Variants in SAMD12 observed in about 807,000 individuals in gnomAD.
SAMD12 encodes sterile alpha motif domain-containing protein 12.
A neutral mutation model predicts 15.0 loss-of-function variants in SAMD12; 9 were observed. The observed-to-expected ratio is 0.60, with a 90% CI of 0.36 to 1.05. The LOEUF is 1.05. SAMD12 is among the 50% of genes least tolerant of loss of function. The pLI is 0.01. For synonymous variants in SAMD12, 86 were observed against 90.1 expected, an observed-to-expected ratio of 0.96 and a Z score of 0.25; for missense variants, 230 against 234.2, an observed-to-expected ratio of 0.98 and a Z score of 0.12.
At chr8:118,352,191 CTAATAAT>C (rs1817993967) in intron 4 of SAMD12, among the ~76,000 whole-genome samples, 1 of 152,170 alleles carries the variant, frequency 6.6e-6, no homozygotes, top group Non-Finnish European at 1.5e-5. Flanking sequence ...CATCCAACAA[CTAATAAT>C]TGGGTAGCAG....
At chr8:118,506,564 T>G (rs1260464605) in intron 2 of SAMD12, among the ~76,000 whole-genome samples, 2 of 152,000 alleles carry the variant, frequency 1.3e-5, no homozygotes, top group East Asian at 3.9e-4. Context: ...ACACAACCTT[T>G]TAGTCTGAGT....
chr8:118,510,241 C>T (rs1368959338), intron 2 of SAMD12, among the ~76,000 whole-genome samples: 5 of 151,992 alleles, frequency 3.3e-5, no homozygotes, highest in Admixed American at 2.6e-4. Flanking sequence ...CACACAAACA[C>T]GCACACATGC....
intron 2 of SAMD12, among the ~76,000 whole-genome samples, chr8:118,465,903 A>G (rs1019399995): frequency 4.6e-5 from 7 of 152,148 alleles, no homozygotes; most frequent in African/African-American, 1.7e-4. Flanking sequence ...CACAAAATCC[A>G]TCTGGGATTA....
intron 3 of SAMD12, among the ~76,000 whole-genome samples, chr8:118,428,760 T>C (rs964798217): frequency 1.8e-4 from 28 of 152,204 alleles, no homozygotes; most frequent in African/African-American, 5.8e-4. Context: ...TGTGTGAGTA[T>C]ATTTATGGAA....
intron 4 of SAMD12, among the ~76,000 whole-genome samples, chr8:118,318,312 A>G (rs2630687): frequency 0.053 from 429 of 8,158 alleles, 4 homozygotes; most frequent in East Asian, 0.29. Context: ...ATATATGTGT[A>G]TATATATATA....
chr8:118,447,357 C>T (rs1239791824), intron 2 of SAMD12, among the ~76,000 whole-genome samples: 2 of 151,740 alleles, frequency 1.3e-5, no homozygotes, highest in Non-Finnish European at 1.5e-5. Context: ...GGCTGGAGTG[C>T]AATGGCGCGA....
chr8:118,602,244 A>G (rs1461041027), intron 1 of SAMD12, among the ~76,000 whole-genome samples: 1 of 152,250 alleles, frequency 6.6e-6, no homozygotes, highest in Non-Finnish European at 1.5e-5. Context: ...CTGAGTGTGT[A>G]CACGTGCACT....
At chr8:118,468,112 G>T (rs1316914625) in intron 2 of SAMD12, among the ~76,000 whole-genome samples, 1 of 152,134 alleles carries the variant, frequency 6.6e-6, no homozygotes, top group Non-Finnish European at 1.5e-5. Flanking sequence ...GGAAATCAGT[G>T]AACTGTAACA....
intron 1 of SAMD12, among the ~76,000 whole-genome samples, chr8:118,598,202 G>A (rs1031837362): frequency 1.3e-5 from 2 of 152,168 alleles, no homozygotes; most frequent in African/African-American, 4.8e-5. Flanking sequence ...CATTTGTTAT[G>A]AACAGAATTG....
intron 2 of SAMD12, among the ~76,000 whole-genome samples, chr8:118,527,563 A>G (rs1364136639): frequency 1.3e-5 from 2 of 152,182 alleles, no homozygotes; most frequent in Non-Finnish European, 2.9e-5. Context: ...TTCTTTCTTT[A>G]CTACATTACA....
At chr8:118,174,400 A>C in the SAMD12 span, among the ~76,000 whole-genome samples, 1,673 of 152,218 alleles carry the variant, frequency 0.011, 24 homozygotes, top group African/African-American at 0.038. Context: ...TGTTCAAGGC[A>C]CCTTTTTCTG....
At chr8:118,597,951 C>A (rs1480556003) in intron 1 of SAMD12, among the ~76,000 whole-genome samples, 2 of 152,154 alleles carry the variant, frequency 1.3e-5, no homozygotes, top group African/African-American at 2.4e-5. Flanking sequence ...GGCACGTGGG[C>A]AGCATGCTGT....
intron 4 of SAMD12, among the ~76,000 whole-genome samples, chr8:118,355,523 A>G (rs917969720): frequency 6.6e-6 from 1 of 152,220 alleles, no homozygotes; most frequent in African/African-American, 2.4e-5. Context: ...TGGAAAAAAA[A>G]TTATTAAAAA....
chr8:118,387,273 A>G (rs900834756), intron 3 of SAMD12, among the ~76,000 whole-genome samples: 3 of 152,120 alleles, frequency 2.0e-5, no homozygotes, highest in African/African-American at 7.2e-5. Flanking sequence ...GGAAAGCACA[A>G]TCTGAGTCTT....
intron 4 of SAMD12, among the ~76,000 whole-genome samples, chr8:118,259,683 T>C (rs1007840189): frequency 6.6e-6 from 1 of 152,038 alleles, no homozygotes; most frequent in Non-Finnish European, 1.5e-5. Flanking sequence ...ATTTTCATGA[T>C]TACCTCAGGA....
chr8:118,266,393 G>A (rs745650817), intron 4 of SAMD12, among the ~76,000 whole-genome samples: 1 of 152,104 alleles, frequency 6.6e-6, no homozygotes, highest in Non-Finnish European at 1.5e-5. Flanking sequence ...TGTTGGTGGG[G>A]ATGTAAATTA....
chr8:118,263,245 C>A (rs144518307), intron 4 of SAMD12, among the ~76,000 whole-genome samples: 3 of 151,946 alleles, frequency 2.0e-5, no homozygotes. Context: ...TAAAACCTCA[C>A]GAAAGTGAAG....
chr8:118,400,327 C>T (rs1820805730), intron 3 of SAMD12: 1 of 152,158 alleles, frequency 6.6e-6, no homozygotes, highest in Non-Finnish European at 1.5e-5. Context: ...GACTTCGCAG[C>T]CAGAAGAGGC....
intron 3 of SAMD12, among the ~76,000 whole-genome samples, chr8:118,437,695 C>T (rs1563859795): frequency 6.6e-6 from 1 of 152,138 alleles, no homozygotes; most frequent in African/African-American, 2.4e-5. Context: ...TTCATGAAGA[C>T]CAAGTCTGCC....
Sources: gnomAD v4.1 joint callset for allele counts (sites outside exome capture counted in the v4.1 genomes callset) on GRCh38, gnomAD v4.1.1 for gene constraint, MANE v1.5 for transcripts, NCBI Gene and HGNC (gene_info 2026-07-23, HGNC 2026-07-21) for gene names.